The following SOX6 variants were observed in gnomAD, a reference collection of about 807,000 sequenced individuals.
The protein encoded by SOX6 is SRY-box transcription factor 6.
A neutral mutation model predicts 97.8 loss-of-function variants in SOX6; 11 were observed. The ratio of observed to expected loss-of-function variants is 0.11; its 90% CI spans 0.07 to 0.19. The LOEUF (loss-of-function observed/expected upper bound fraction) is 0.19, where lower values mean the gene tolerates loss of function less well. SOX6 is among the 10% of genes least tolerant of loss of function. The probability of loss-of-function intolerance (pLI) is 1.00; values close to 1 mark genes in which losing one functional copy is unlikely to be tolerated. For missense variants in SOX6, 810 were observed against 1,039.5 expected, an observed-to-expected ratio of 0.78 and a Z score of 3.04; for synonymous variants, 360 against 371.4, an observed-to-expected ratio of 0.97 and a Z score of 0.35.
intron 4 of SOX6, among the ~76,000 whole-genome samples, chr11:16,229,078 C>A (rs914848473): frequency 3.3e-5 from 5 of 152,110 alleles, no homozygotes; most frequent in Admixed American, 3.3e-4. Flanking sequence ...CTCCTAGCAC[C>A]TACCCATCAC....
intron 1 of SOX6, among the ~76,000 whole-genome samples, chr11:16,381,450 T>C (rs188867567): frequency 2.3e-4 from 35 of 152,206 alleles, no homozygotes; most frequent in Admixed American, 3.9e-4. Flanking sequence ...TGTTGTAATC[T>C]ATAAATGGCT....
chr11:16,015,224 C>CCACCG, intron 12 of SOX6, 174 bp from the exon 13 acceptor site: 1 of 650,734 alleles, frequency 1.5e-6, no homozygotes, highest in Admixed American at 2.3e-5. Flanking sequence ...GTGACATGGA[C>CCACCG]AGCACTGACA....
At chr11:16,652,682 C>T (rs1303410821) in intron 3 of SOX6, among the ~76,000 whole-genome samples, 1 of 152,106 alleles carries the variant, frequency 6.6e-6, no homozygotes, top group Non-Finnish European at 1.5e-5. Context: ...ATTGGTAAAA[C>T]TCTTCTAGAC....
At chr11:16,174,510 T>C (rs936148069) in intron 6 of SOX6, among the ~76,000 whole-genome samples, 1 of 151,950 alleles carries the variant, frequency 6.6e-6, no homozygotes, top group Non-Finnish European at 1.5e-5. Context: ...GAAGTTACTA[T>C]ATGTGAATTA....
chr11:16,514,703 C>G (rs1246387295), intron 4 of SOX6, among the ~76,000 whole-genome samples: 21 of 119,730 alleles, frequency 1.8e-4, no homozygotes, highest in African/African-American at 6.6e-4. Context: ...CCCCTCCCCC[C>G]ACCCCACAAC....
intron 8 of SOX6, 70 bp from the exon 9 acceptor site, chr11:16,096,188 C>T: frequency 1.9e-6 from 3 of 1,545,744 alleles, no homozygotes; most frequent in Non-Finnish European, 2.7e-6. Flanking sequence ...AAACAGAATA[C>T]ATATTTCTAA....
rs1848434484 is a variant in SOX6 at position 16,613,930 on chromosome 11, G to A, written n.430-1670C>T. On this transcript the variant is annotated intron_variant and non_coding_transcript_variant, in intron 3 of 5. Transcript: ENST00000524520. The surrounding 1 kb of genome is among the most constrained non-coding windows in gnomAD (Gnocchi z 4.6). ...CGACCTCCCGGGACCGCCTGAAAGA[G>A]AAGCAAAGGGAGGGCGCCCTGCGGG... is the stretch of plus-strand genomic sequence containing the variant. Among the ~76,000 whole-genome samples, 1 of 152,150 alleles carries A rather than the reference G, an allele frequency of 6.6e-6. No homozygotes were observed. Among genetic ancestry groups the A allele is most frequent in the Admixed American group, 6.5e-5 (1 of 15,278 alleles).
chr11:16,385,582 A>T (rs1857958840), intron 1 of SOX6, among the ~76,000 whole-genome samples: 1 of 152,078 alleles, frequency 6.6e-6, no homozygotes, highest in Non-Finnish European at 1.5e-5. Flanking sequence ...AATTTTAAAA[A>T]ATCTTTTCTT....
chr11:16,565,599 CA>C lies in SOX6; in HGVS notation n.609+46481del, dbSNP rs552078274. Among the ~76,000 whole-genome samples the C allele has an allele frequency of 3.8e-4, 57 of 151,786 alleles. No homozygotes were observed. The East Asian group carries it at 6.4e-3, about 17-fold the overall frequency. On this transcript the variant is annotated intron_variant and non_coding_transcript_variant, in intron 4 of 5. Transcript: ENST00000524520. ...CATAACACACTCTCTTCTTGACAGA[CA>C]AAAATAATTTTAAAGCATGGCACAT...
At chr11:16,573,192 G>C (rs1262153034) in intron 4 of SOX6, among the ~76,000 whole-genome samples, 1 of 152,188 alleles carries the variant, frequency 6.6e-6, no homozygotes, top group Non-Finnish European at 1.5e-5. Flanking sequence ...TTCCTCAGAA[G>C]TGACAAGGTT....
chr11:16,584,025 A>G (rs1050446791), intron 4 of SOX6, among the ~76,000 whole-genome samples: 5 of 152,122 alleles, frequency 3.3e-5, no homozygotes, highest in African/African-American at 1.2e-4. Flanking sequence ...AGCAATTTAT[A>G]AGACAAAACT....
intron 1 of SOX6, among the ~76,000 whole-genome samples, chr11:16,427,581 T>G (rs1859171611): frequency 6.6e-6 from 1 of 152,014 alleles, no homozygotes; most frequent in Non-Finnish European, 1.5e-5. Context: ...CATGAGGTGT[T>G]TGGTTTTTTG....
chr11:16,515,075 C>T (rs933749503), intron 4 of SOX6, among the ~76,000 whole-genome samples: 2 of 150,676 alleles, frequency 1.3e-5, no homozygotes, highest in African/African-American at 4.9e-5. Context: ...AATGGGATGG[C>T]TGGGTCAAAT....
intron 4 of SOX6, among the ~76,000 whole-genome samples, chr11:16,228,486 A>T (rs1852749482): frequency 1.3e-5 from 2 of 152,064 alleles, no homozygotes; most frequent in African/African-American, 4.8e-5. Context: ...GAATATTATG[A>T]ATGGTGGTTA....
At chr11:16,614,700 G>A (rs1848448175) in intron 3 of SOX6, among the ~76,000 whole-genome samples, 1 of 152,102 alleles carries the variant, frequency 6.6e-6, no homozygotes, top group Non-Finnish European at 1.5e-5. Flanking sequence ...TGCCTCCAAG[G>A]CTTGGGGACA....
chr11:16,586,767 G>A (rs953582081), intron 4 of SOX6, among the ~76,000 whole-genome samples: 1 of 152,076 alleles, frequency 6.6e-6, no homozygotes, highest in African/African-American at 2.4e-5. Flanking sequence ...AAATAGAAAT[G>A]AATTACCTAA....
intron 6 of SOX6, among the ~76,000 whole-genome samples, chr11:16,161,308 T>C (rs1403661362): frequency 6.7e-6 from 1 of 150,038 alleles, no homozygotes; most frequent in African/African-American, 2.5e-5. Context: ...GATTTGACAA[T>C]GAATTTGATA....
chr11:16,079,452 T>A (rs955582740), intron 9 of SOX6, among the ~76,000 whole-genome samples: 1 of 152,180 alleles, frequency 6.6e-6, no homozygotes, highest in African/African-American at 2.4e-5. Flanking sequence ...TTTACTGTTT[T>A]TAAGCTAAAC....
At chr11:16,447,236 G>A (rs912463643) in intron 1 of SOX6, among the ~76,000 whole-genome samples, 3 of 152,022 alleles carry the variant, frequency 2.0e-5, no homozygotes, top group Non-Finnish European at 4.4e-5. Context: ...CTAAAATTAG[G>A]AAGTTATTAG....
Sources: gnomAD v4.1 joint callset for allele counts (sites outside exome capture counted in the v4.1 genomes callset) on GRCh38, gnomAD v4.1.1 for gene constraint, Gnocchi (gnomAD v3.1) non-coding constraint, MANE v1.5 for transcripts, NCBI Gene and HGNC (gene_info 2026-07-23, HGNC 2026-07-21) for gene names.